CNKSR3: variants seen among roughly 807,000 people sequenced by gnomAD.
CNKSR3 encodes the protein connector enhancer of kinase suppressor of ras 3.
In CNKSR3, 36 loss-of-function variants were observed where a neutral mutation model predicts 67.7. The observed-to-expected ratio is 0.53, with a 90% CI of 0.41 to 0.70. The LOEUF is 0.70. CNKSR3 is among the 30% of genes least tolerant of loss of function. The pLI is 0.00. For synonymous variants in CNKSR3, 281 were observed against 271.4 expected (o/e 1.04, Z -0.35); for missense variants, 630 against 695.2 (o/e 0.91, Z 1.05).
In CNKSR3 at chr6:154,463,563, G is replaced by A. The variant is rs536264762; in HGVS notation, c.53-13305C>T. 4.6e-5 allele frequency among the ~76,000 whole-genome samples: 7 copies of A among 152,236 alleles called. No homozygotes were observed. In the East Asian group the frequency reaches 7.7e-4, roughly 17 times the overall value. ...AAGTTTGCTATGCTCGCGGCTTCAC[G>A]GGATGCCAGCCCTGGTTACCAGAAT... On this transcript the variant is annotated intron_variant, in intron 1 of 12. Coordinates refer to ENST00000607772, the MANE Select transcript of CNKSR3 (RefSeq NM_173515.4).
intron 1 of CNKSR3, among the ~76,000 whole-genome samples, chr6:154,479,649 G>A (rs1419641412): frequency 6.6e-6 from 1 of 152,148 alleles, no homozygotes; most frequent in African/African-American, 2.4e-5. Flanking sequence ...TACAATTCAA[G>A]ACGAGAATGT....
At chr6:154,485,199 T>C (rs1383979420) in intron 1 of CNKSR3, among the ~76,000 whole-genome samples, 2 of 152,192 alleles carry the variant, frequency 1.3e-5, no homozygotes, top group African/African-American at 2.4e-5. Context: ...TCCAAACCTA[T>C]AATGTTTGGG....
intron 9 of CNKSR3, among the ~76,000 whole-genome samples, chr6:154,417,080 C>T (rs951391476): frequency 6.6e-6 from 1 of 152,146 alleles, no homozygotes; most frequent in African/African-American, 2.4e-5. Flanking sequence ...TCCTCTATTG[C>T]CTCAAACTCA....
chr6:154,501,134 C>T (rs1258450128), intron 1 of CNKSR3, among the ~76,000 whole-genome samples: 5 of 152,110 alleles, frequency 3.3e-5, no homozygotes, highest in Non-Finnish European at 5.9e-5. Context: ...AGCAGACATC[C>T]CAACTTCAAA....
intron 5 of CNKSR3, among the ~76,000 whole-genome samples, chr6:154,432,175 G>T (rs531740446): frequency 3.3e-5 from 5 of 152,192 alleles, no homozygotes; most frequent in Non-Finnish European, 7.3e-5. Context: ...GTTTGGTGTT[G>T]TCAGTGTTTC....
In CNKSR3 at chr6:154,388,921, T is replaced by C. The variant is rs576282641; in HGVS notation, c.*17433A>G. 115 of 147,926 alleles carry C rather than the reference T, an allele frequency of 7.8e-4. No individual in the cohort carries two copies. Among genetic ancestry groups the C allele is most frequent in the African/African-American group, 2.8e-3 (112 of 39,770 alleles). The allele number at this position is 147,926 out of a possible 1,614,324, so 9.2% of individuals were successfully genotyped here. Reference sequence around the variant, plus strand: ...CCAGAGCCCATGCTATTCAGATCCTTGGCCCATTTGTAAAAATTGGGTTTT... The same window carrying C: ...CCAGAGCCCATGCTATTCAGATCCTCGGCCCATTTGTAAAAATTGGGTTTT... On this transcript the variant is annotated 3_prime_UTR_variant, in exon 13 of 13. Coordinates refer to ENST00000607772, the MANE Select transcript of CNKSR3 (RefSeq NM_173515.4).
intron 2 of CNKSR3, among the ~76,000 whole-genome samples, chr6:154,449,020 C>T (rs1785767319): frequency 6.6e-6 from 1 of 152,146 alleles, no homozygotes. Flanking sequence ...TGAATCCCAC[C>T]CACACTAACC....
intron 1 of CNKSR3, among the ~76,000 whole-genome samples, chr6:154,475,346 C>A (rs1344228181): frequency 6.6e-6 from 1 of 152,162 alleles, no homozygotes; most frequent in Admixed American, 6.5e-5. Context: ...GCCCTTCCCT[C>A]CCCTTCTCCA....
At position 154,388,992 on chromosome 6, in the gene CNKSR3, T is replaced by A. The variant is rs1784578940; in HGVS notation, c.*17362A>T. 1 of 152,068 alleles carries A rather than the reference T, an allele frequency of 6.6e-6. No homozygotes were observed. Among genetic ancestry groups the A allele is most frequent in the Admixed American group, 6.6e-5 (1 of 15,258 alleles). 9.4% of individuals were successfully genotyped at this position (152,068 alleles called of 1,614,324 possible). On this transcript the variant is annotated 3_prime_UTR_variant, in exon 13 of 13. Coordinates refer to ENST00000607772, the MANE Select transcript of CNKSR3 (RefSeq NM_173515.4). ...ATGAATTCCTTACATATTTTAGATGTCAACCCTTATCACATACATCGCTTG... is the reference window on the plus strand; with the variant it reads ...ATGAATTCCTTACATATTTTAGATGACAACCCTTATCACATACATCGCTTG...
intron 7 of CNKSR3, among the ~76,000 whole-genome samples, chr6:154,424,699 GT>G (rs1339936753): frequency 6.6e-6 from 1 of 152,140 alleles, no homozygotes; most frequent in Non-Finnish European, 1.5e-5. Context: ...ACCTGCTACC[GT>G]ACCCGACAGT....
chr6:154,460,538 T>G (rs1176074543), intron 1 of CNKSR3, among the ~76,000 whole-genome samples: 8 of 152,180 alleles, frequency 5.3e-5, no homozygotes, highest in Non-Finnish European at 8.8e-5. Context: ...TCCAAGGTTG[T>G]TTGTTGTAAT....
Position 154,406,295 on chromosome 6 carries a change from A to G in CNKSR3, c.*59T>C, listed in dbSNP as rs1027985932. The stretch of plus-strand genomic sequence containing the variant: ...AGGCTGAAACGAGAAGAGGCTGTCC[A>G]CTGTAAAAGCAAGGCACTTGGGGCA... On this transcript the variant is annotated 3_prime_UTR_variant, in exon 13 of 13. Coordinates refer to ENST00000607772, the MANE Select transcript of CNKSR3 (RefSeq NM_173515.4). 10 of 1,485,270 alleles carry G rather than the reference A, an allele frequency of 6.7e-6. No individual in the cohort carries two copies. In the Middle Eastern group the frequency reaches 1.2e-3, roughly 179 times the overall value. The allele number at this position is 1,485,270 out of a possible 1,614,324, so 92.0% of individuals were successfully genotyped here.
chr6:154,446,388 G>C (rs1785706870), intron 2 of CNKSR3, among the ~76,000 whole-genome samples: 1 of 152,116 alleles, frequency 6.6e-6, no homozygotes, highest in African/African-American at 2.4e-5. Flanking sequence ...TTATTGACTT[G>C]GGTCAATTAA....
intron 7 of CNKSR3, among the ~76,000 whole-genome samples, chr6:154,427,791 TC>T (rs1399622469): frequency 5.3e-5 from 8 of 152,172 alleles, no homozygotes; most frequent in Non-Finnish European, 1.0e-4. Context: ...TGGCCACCAA[TC>T]CCAGTTCTTA....
rs1399543609 is a variant in CNKSR3 at position 154,400,176 on chromosome 6, G to A, written c.*6178C>T. The A allele has an allele frequency of 6.6e-6, 1 of 152,196 alleles. No individual in the cohort carries two copies. The highest frequency in any genetic ancestry group is 1.5e-5 in the Non-Finnish European group (1 of 68,038). 9.4% of individuals were successfully genotyped at this position (152,196 alleles called of 1,614,324 possible). A position where few individuals can be genotyped will look rare whatever the true frequency, so the allele number is the denominator to read the frequency against. On this transcript the variant is annotated 3_prime_UTR_variant, in exon 13 of 13. Coordinates refer to ENST00000607772, the MANE Select transcript of CNKSR3 (RefSeq NM_173515.4). ...GGTAAAGGAGGCCAGCAAGTAACAG[G>A]TTGGCTGTGAGCGTGACATGAATGC...
At chr6:154,505,722 G>A (rs1410983740) in intron 1 of CNKSR3, among the ~76,000 whole-genome samples, 4 of 148,734 alleles carry the variant, frequency 2.7e-5, no homozygotes, top group Non-Finnish European at 4.4e-5. Flanking sequence ...GGATGGTCTC[G>A]ATCTCCTGAC....
Position 154,428,183 on chromosome 6 carries a change from A to G in CNKSR3, c.674T>C (p.Met225Thr), listed in dbSNP as rs2128714916. ...CCCATCATAGGTTGATTTGATGTAC[A>G]TGCCCTGGAGTGAATCACAAATAGA... is the stretch of plus-strand genomic sequence containing the variant. ...PNIKPGEGLG[M>T]YIKSTYDGLH... The change falls in exon 7 of 13, where the codon ATG (methionine) becomes ACG (threonine). Residue 225 changes from methionine (M) to threonine (T), a missense_variant. By Grantham distance (81) the Met-to-Thr change is moderately conservative. Transcript: ENST00000607772. 6.2e-7 allele frequency: 1 copy of G among 1,606,586 alleles called. No individual in the cohort carries two copies. The highest frequency in any genetic ancestry group is 8.5e-7 in the Non-Finnish European group (1 of 1,173,140).
rs563257440 is a variant in CNKSR3 at position 154,507,652 on chromosome 6, T to C, written c.52+2411A>G. 3.8e-4 allele frequency among the ~76,000 whole-genome samples: 58 copies of C among 152,240 alleles called. No individual in the cohort carries two copies. In the South Asian group the frequency reaches 0.011, roughly 28 times the overall value. ...TTTTTAGATTCGAACACAGAACGTA[T>C]CCAGGTCTTTCTACTAAGCTGTATT... On this transcript the variant is annotated intron_variant, in intron 1 of 12. Transcript: ENST00000607772.
chr6:154,430,884 T>C (rs1341133586), intron 5 of CNKSR3, among the ~76,000 whole-genome samples: 1 of 151,362 alleles, frequency 6.6e-6, no homozygotes, highest in East Asian at 1.9e-4. Context: ...TGGAATCATC[T>C]CTCCCCAACC....
Sources: gnomAD v4.1 joint callset for allele counts (sites outside exome capture counted in the v4.1 genomes callset) on GRCh38, gnomAD v4.1.1 for gene constraint, MANE v1.5 for transcripts, NCBI Gene and HGNC (gene_info 2026-07-23, HGNC 2026-07-21) for gene names.